Variants in GRID1 observed in about 807,000 individuals in gnomAD.
GRID1 encodes the protein glutamate ionotropic receptor delta type subunit 1.
Under a neutral mutation model 98.0 loss-of-function variants are expected in GRID1, and 28 were observed. That is an observed-to-expected ratio of 0.29 (90% CI 0.21 to 0.39). The LOEUF (loss-of-function observed/expected upper bound fraction) is 0.39. GRID1 is among the 10% of genes least tolerant of loss of function. The probability of loss-of-function intolerance (pLI) is 1.00; values close to 1 mark genes in which losing one functional copy is unlikely to be tolerated. For missense variants in GRID1, 1,111 were observed against 1,340.5 expected (o/e 0.83, Z 2.67); for synonymous variants, 553 against 538.5 (o/e 1.03, Z -0.37).
At chr10:85,658,919 A>G (rs1590178283) in intron 12 of GRID1, among the ~76,000 whole-genome samples, 1 of 152,264 alleles carries the variant, frequency 6.6e-6, no homozygotes, top group East Asian at 1.9e-4. Context: ...ACTAAGCACT[A>G]AGAATAGGAT....
intron 5 of GRID1, among the ~76,000 whole-genome samples, chr10:85,896,301 C>T (rs555679289): frequency 2.0e-5 from 3 of 152,052 alleles, no homozygotes; most frequent in Non-Finnish European, 4.4e-5. Context: ...TGGCTTGATG[C>T]GGAAATTTTG....
chr10:86,311,544 T>G (rs554989369), intron 2 of GRID1, among the ~76,000 whole-genome samples: 2 of 152,158 alleles, frequency 1.3e-5, no homozygotes, highest in Admixed American at 1.3e-4. Context: ...ACCACACTTG[T>G]ATGATAAATG....
At chr10:85,767,799 C>T (rs1016856455) in intron 8 of GRID1, among the ~76,000 whole-genome samples, 4 of 152,176 alleles carry the variant, frequency 2.6e-5, no homozygotes, top group Admixed American at 6.5e-5. Flanking sequence ...CCCATCCCGT[C>T]CTGATGCAGA....
intron 4 of GRID1, among the ~76,000 whole-genome samples, chr10:85,971,437 C>T (rs1842406064): frequency 6.6e-6 from 1 of 151,794 alleles, no homozygotes; most frequent in Non-Finnish European, 1.5e-5. Context: ...ACATATGTCC[C>T]AAAAAGACCC....
intron 6 of GRID1, among the ~76,000 whole-genome samples, chr10:85,867,355 T>C (rs1843231360): frequency 2.0e-5 from 3 of 152,248 alleles, no homozygotes; most frequent in South Asian, 2.1e-4. Flanking sequence ...TGCCATGTAT[T>C]TGGGGAGGGA....
intron 2 of GRID1, among the ~76,000 whole-genome samples, chr10:86,280,138 G>T (rs1056507378): frequency 6.6e-6 from 1 of 152,142 alleles, no homozygotes; most frequent in African/African-American, 2.4e-5. Context: ...AGGAGGTCAA[G>T]GCTACAGTGA....
intron 3 of GRID1, among the ~76,000 whole-genome samples, chr10:86,159,283 A>G (rs186120199): frequency 6.1e-4 from 93 of 152,384 alleles, no homozygotes; most frequent in African/African-American, 2.1e-3. Flanking sequence ...ACAGTCATGC[A>G]CCACAAAATG....
At chr10:85,634,287 T>TCACACACACACA (rs1843010687) in intron 13 of GRID1, among the ~76,000 whole-genome samples, 1 of 129,290 alleles carries the variant, frequency 7.7e-6, no homozygotes, top group Admixed American at 7.5e-5. Context: ...TCTCTCTCTC[T>TCACACACACACA]CTCTCACACA....
chr10:85,958,705 C>T (rs1842225834), intron 4 of GRID1, among the ~76,000 whole-genome samples: 1 of 152,120 alleles, frequency 6.6e-6, no homozygotes, highest in Non-Finnish European at 1.5e-5. Context: ...CACCTGTAAT[C>T]CCAGCACTTC....
intron 4 of GRID1, among the ~76,000 whole-genome samples, chr10:85,956,204 C>A (rs1842186864): frequency 1.3e-5 from 2 of 152,198 alleles, no homozygotes; most frequent in South Asian, 4.1e-4. Flanking sequence ...CTGAGTCAGA[C>A]TGTAAGCCAT....
chr10:86,207,436 C>A (rs1239888361), intron 2 of GRID1, among the ~76,000 whole-genome samples: 1 of 152,136 alleles, frequency 6.6e-6, no homozygotes, highest in Non-Finnish European at 1.5e-5. Context: ...CTCAGGGGCT[C>A]ATCTTTACAA....
chr10:85,878,974 G>T (rs1008418196), intron 5 of GRID1, among the ~76,000 whole-genome samples: 1 of 151,712 alleles, frequency 6.6e-6, no homozygotes, highest in Non-Finnish European at 1.5e-5. Context: ...TGCAATCCTA[G>T]TCTCTGATAA....
chr10:85,873,963 G>A (rs1843303717), intron 5 of GRID1, among the ~76,000 whole-genome samples: 1 of 152,210 alleles, frequency 6.6e-6, no homozygotes, highest in African/African-American at 2.4e-5. Context: ...CTCAGCTCTA[G>A]TTTATTCATT....
chr10:85,875,912 G>C (rs1341795009), intron 5 of GRID1, among the ~76,000 whole-genome samples: 2 of 152,114 alleles, frequency 1.3e-5, no homozygotes, highest in Admixed American at 1.3e-4. Flanking sequence ...CCTTATATCT[G>C]GGGTCATCTT....
At chr10:85,845,985 AC>A (rs1321560054) in intron 8 of GRID1, among the ~76,000 whole-genome samples, 3 of 152,166 alleles carry the variant, frequency 2.0e-5, no homozygotes, top group Non-Finnish European at 2.9e-5. Context: ...AAAGGGGTGC[AC>A]AGGGGAGAGC....
intron 4 of GRID1, among the ~76,000 whole-genome samples, chr10:85,927,412 C>G (rs1426813704): frequency 1.3e-5 from 2 of 152,116 alleles, no homozygotes; most frequent in African/African-American, 2.4e-5. Context: ...ACAGGGTCTT[C>G]TGCCAGGCAG....
At chr10:85,649,035 T>C (rs925325511) in intron 12 of GRID1, among the ~76,000 whole-genome samples, 3 of 152,230 alleles carry the variant, frequency 2.0e-5, no homozygotes, top group African/African-American at 7.2e-5. Context: ...TAGCAGAGGA[T>C]TGCTATGAGG....
chr10:85,602,351 G>A lies in GRID1; in HGVS notation c.2952C>T (p.Pro984=), dbSNP rs1284455896. The A allele has an allele frequency of 1.3e-6, 2 of 1,591,412 alleles. No homozygotes were observed. The highest frequency in any genetic ancestry group is 2.7e-5 in the African/African-American group (2 of 74,600). Residue 984 remains proline (P), a synonymous_variant, in exon 16 of 16, where the codon CCC becomes CCT. Transcript: ENST00000327946. ...GLFRQSPVKT[P]IPMSFQPVPG... ...GCACGGGCTGGAAGGACATGGGGAT[G>A]GGGGTCTTCACCGGGCTCTGCCGGA...
chr10:86,138,646 G>C (rs1379611618), intron 4 of GRID1, among the ~76,000 whole-genome samples, 173 bp downstream of exon 4: 1 of 152,252 alleles, frequency 6.6e-6, no homozygotes, highest in Non-Finnish European at 1.5e-5. Flanking sequence ...CAGGAGCCAA[G>C]TAGTGCTCAG....
Sources: allele counts gnomAD v4.1 joint callset (sites outside exome capture counted in the v4.1 genomes callset), GRCh38; gene constraint gnomAD v4.1.1; transcripts MANE v1.5; gene names NCBI Gene and HGNC (gene_info 2026-07-23, HGNC 2026-07-21).